The following PODXL2 variants were observed in gnomAD, a reference collection of about 807,000 sequenced individuals.
PODXL2 encodes the protein podocalyxin-like protein 2.
PODXL2 carries 17 observed loss-of-function variants against 53.4 expected under a neutral mutation model. The observed-to-expected ratio is 0.32, with a 90% CI of 0.22 to 0.48. PODXL2 has a LOEUF of 0.48. PODXL2 is among the 20% of genes least tolerant of loss of function. PODXL2 has a pLI of 0.99. For missense variants in PODXL2, 673 were observed against 760.0 expected, an observed-to-expected ratio of 0.89 and a Z score of 1.35; for synonymous variants, 311 against 306.7, an observed-to-expected ratio of 1.01 and a Z score of -0.15.
intron 2 of PODXL2, among the ~76,000 whole-genome samples, chr3:127,651,263 AAAAC>A (rs1407272374): frequency 6.6e-6 from 1 of 152,204 alleles, no homozygotes; most frequent in East Asian, 1.9e-4. Flanking sequence ...ACTCCATCTC[AAAAC>A]AAACAAACAA....
chr3:127,668,351 A>T (rs1311461749), intron 4 of PODXL2, 90 bp from the exon 5 acceptor site: 6 of 1,179,592 alleles, frequency 5.1e-6, no homozygotes, highest in East Asian at 3.0e-5. Context: ...CAGAGGGTTG[A>T]GGGTGAGTAC....
chr3:127,629,300 T>C lies in PODXL2; in HGVS notation c.70+11T>C, dbSNP rs1382430715. Reference sequence around the variant, plus strand: ...TTCTGCTGGTTGGGGGTGAGTGCGCTCCGGGCCCGAGCGCGGGAGGGCGGG... The same window carrying C: ...TTCTGCTGGTTGGGGGTGAGTGCGCCCCGGGCCCGAGCGCGGGAGGGCGGG... On this transcript the variant is annotated intron_variant, in intron 1 of 7. Coordinates refer to ENST00000342480, the MANE Select transcript of PODXL2 (RefSeq NM_015720.4). The surrounding 1 kb of genome is among the most constrained non-coding windows in gnomAD (Gnocchi z 6.4). 1 of 1,015,996 alleles carries C rather than the reference T, an allele frequency of 9.8e-7. No individual in the cohort carries two copies. Among genetic ancestry groups the C allele is most frequent in the Non-Finnish European group, 1.2e-6 (1 of 850,636 alleles). 62.9% of individuals were successfully genotyped at this position (1,015,996 alleles called of 1,614,324 possible). A position where few individuals can be genotyped will look rare whatever the true frequency, so the allele number is the denominator to read the frequency against.
intron 1 of PODXL2, among the ~76,000 whole-genome samples, chr3:127,634,450 C>T (rs962159101): frequency 4.1e-5 from 6 of 146,168 alleles, no homozygotes; most frequent in African/African-American, 1.5e-4. Flanking sequence ...TGACTGGGCA[C>T]AGTGACTCAC....
intron 2 of PODXL2, among the ~76,000 whole-genome samples, chr3:127,646,794 T>G (rs2074659874): frequency 6.6e-6 from 1 of 151,824 alleles, no homozygotes; most frequent in Admixed American, 6.6e-5. Context: ...CCAAGGGAGG[T>G]TCAGACCTTT....
At chr3:127,631,458 GTGTT>G (rs914465489) in intron 1 of PODXL2, among the ~76,000 whole-genome samples, 2 of 152,142 alleles carry the variant, frequency 1.3e-5, no homozygotes, top group African/African-American at 2.4e-5. Flanking sequence ...GCCTCCTTCT[GTGTT>G]TGTTTGGGTC....
At chr3:127,635,600 G>A (rs151015761) in intron 1 of PODXL2, among the ~76,000 whole-genome samples, 2 of 152,180 alleles carry the variant, frequency 1.3e-5, no homozygotes, top group East Asian at 3.8e-4. Context: ...CAGATTCTCA[G>A]TTCTTAAGAT....
chr3:127,645,942 G>A (rs2074655213), intron 2 of PODXL2, among the ~76,000 whole-genome samples: 1 of 152,208 alleles, frequency 6.6e-6, no homozygotes, highest in African/African-American at 2.4e-5. Flanking sequence ...CCTGGGTTGG[G>A]AGTCCTGCAG....
chr3:127,641,698 T>C (rs1288955404), intron 2 of PODXL2, among the ~76,000 whole-genome samples: 1 of 151,772 alleles, frequency 6.6e-6, no homozygotes, highest in Non-Finnish European at 1.5e-5. Context: ...TTTTTTTTAG[T>C]AGAGACAGGG....
intron 2 of PODXL2, among the ~76,000 whole-genome samples, chr3:127,640,972 G>A (rs75872961): frequency 0.029 from 4,452 of 152,200 alleles, 295 homozygotes; most frequent in East Asian, 0.27. Context: ...GAGTGCAGTG[G>A]CGTGACCTTG....
At chr3:127,635,401 C>T (rs2074571602) in intron 1 of PODXL2, among the ~76,000 whole-genome samples, 2 of 152,206 alleles carry the variant, frequency 1.3e-5, no homozygotes, top group African/African-American at 4.8e-5. Context: ...AGCCTTGGAT[C>T]ATGCCTAGTC....
rs767064846 is a variant in PODXL2 at position 127,669,217 on chromosome 3, A to G, written c.1425+15A>G. The G allele has an allele frequency of 1.8e-5, 28 of 1,579,096 alleles. No individual in the cohort carries two copies. In the South Asian group the frequency reaches 3.0e-4, roughly 17 times the overall value. On this transcript the variant is annotated intron_variant, in intron 6 of 7. Coordinates refer to ENST00000342480, the MANE Select transcript of PODXL2 (RefSeq NM_015720.4). ...GCCTGGAGGAGGTAAGAGTGCAGGG[A>G]CCTGGACCTGTTAGCTTCTAATATG... is the stretch of plus-strand genomic sequence containing the variant.
chr3:127,639,668 G>A, intron 2 of PODXL2, 145 bp downstream of exon 2: 1 of 795,250 alleles, frequency 1.3e-6, no homozygotes, highest in South Asian at 1.8e-5. Context: ...GCACATCAGA[G>A]CAAAGGCTCT....
chr3:127,653,223 G>A (rs77210762), intron 2 of PODXL2, among the ~76,000 whole-genome samples: 8,239 of 152,268 alleles, frequency 0.054, 412 homozygotes, highest in East Asian at 0.17. Flanking sequence ...TGTCTCACCT[G>A]CTTCAGGGCG....
At chr3:127,631,588 G>C (rs866795354) in intron 1 of PODXL2, among the ~76,000 whole-genome samples, 13 of 152,254 alleles carry the variant, frequency 8.5e-5, no homozygotes, top group Admixed American at 5.2e-4. Context: ...AGGGAAAAAG[G>C]AAATCAATCA....
chr3:127,646,120 T>C (rs1197313548), intron 2 of PODXL2, among the ~76,000 whole-genome samples: 1 of 152,232 alleles, frequency 6.6e-6, no homozygotes, highest in East Asian at 1.9e-4. Flanking sequence ...TGCCCAGCAC[T>C]ATGTTAGGGG....
At chr3:127,666,242 A>G (rs2074794383) in intron 4 of PODXL2, among the ~76,000 whole-genome samples, 1 of 152,086 alleles carries the variant, frequency 6.6e-6, no homozygotes, top group African/African-American at 2.4e-5. Context: ...TTTCCATGGG[A>G]TATCCAGTTG....
chr3:127,636,679 A>G (rs926477374), intron 1 of PODXL2, among the ~76,000 whole-genome samples: 1 of 152,226 alleles, frequency 6.6e-6, no homozygotes, highest in Non-Finnish European at 1.5e-5. Context: ...AGCAGAAGAC[A>G]TTCCGGATGG....
Position 127,672,404 on chromosome 3 carries a change from G to C in PODXL2, c.1742G>C (p.Gly581Ala). ...GGCGGCGGGGCCCTCAACGGCCCGG[G>C]GAGCTGGGGGGCGCTCATGGGGGGC... is the stretch of plus-strand genomic sequence containing the variant. ...LNGGGALNGP[G>A]SWGALMGGKR... is the part of the protein sequence containing the mutation. The change falls in exon 8 of 8, where the codon GGG becomes GCG. Residue 581 changes from glycine to alanine, a missense_variant. Gly to Ala is a moderately conservative substitution (Grantham distance 60). Around this residue, in one of 3 missense-constraint regions of PODXL2, gnomAD observed 79 missense variants for 70.5 expected, o/e 1.12. Transcript: ENST00000342480. 6.5e-7 allele frequency: 1 copy of C among 1,543,388 alleles called. No homozygotes were observed. The highest frequency in any genetic ancestry group is 8.7e-7 in the Non-Finnish European group (1 of 1,145,808).
At chr3:127,670,229 C>T (rs922972989) in intron 6 of PODXL2, among the ~76,000 whole-genome samples, 1 of 152,192 alleles carries the variant, frequency 6.6e-6, no homozygotes. Flanking sequence ...AAGATGAGAG[C>T]TGAAGCGGGA....
Sources: allele counts gnomAD v4.1 joint callset (sites outside exome capture counted in the v4.1 genomes callset), GRCh38; gene constraint gnomAD v4.1.1; regional missense constraint gnomAD v4.1.1; non-coding constraint Gnocchi (gnomAD v3.1); transcripts MANE v1.5; gene names NCBI Gene and HGNC (gene_info 2026-07-23, HGNC 2026-07-21).